The following SEPTIN10 variants were observed in gnomAD, a reference collection of about 807,000 sequenced individuals.
SEPTIN10 encodes the protein septin-10.
Under a neutral mutation model 54.8 loss-of-function variants are expected in SEPTIN10, and 66 were observed. The observed-to-expected ratio is 1.21, with a 90% CI of 0.99 to 1.48. The LOEUF is 1.48. SEPTIN10 is among the 40% of genes most tolerant of loss of function. The pLI, the probability that SEPTIN10 is intolerant of heterozygous loss-of-function variation, is 0.00. For missense variants in SEPTIN10, 620 were observed against 545.6 expected (o/e 1.14, Z -1.36); for synonymous variants, 161 against 181.0 (o/e 0.89, Z 0.89).
intron 9 of SEPTIN10, among the ~76,000 whole-genome samples, 196 bp from the exon 10 acceptor site, chr2:109,546,433 A>G (rs1414690379): frequency 6.6e-6 from 1 of 152,154 alleles, no homozygotes; most frequent in Non-Finnish European, 1.5e-5. Context: ...TTTAATTTAA[A>G]TGAGTTCCCA....
chr2:109,565,065 CTA>C (rs1253841866), intron 7 of SEPTIN10, among the ~76,000 whole-genome samples: 1 of 152,112 alleles, frequency 6.6e-6, no homozygotes, highest in African/African-American at 2.4e-5. Context: ...GATCCTTCTT[CTA>C]TGTTTACGGT....
intron 2 of SEPTIN10, among the ~76,000 whole-genome samples, chr2:109,587,962 G>A (rs1242996969): frequency 6.6e-6 from 1 of 151,486 alleles, no homozygotes; most frequent in Admixed American, 6.6e-5. Context: ...CGGGCGTGGT[G>A]GCACCTATAA....
chr2:109,604,429 G>GA (rs1553449755), intron 1 of SEPTIN10, among the ~76,000 whole-genome samples: 1 of 138,990 alleles, frequency 7.2e-6, no homozygotes, highest in African/African-American at 2.6e-5. Flanking sequence ...AAAAAAGAAA[G>GA]AAAGAAAAGA....
At chr2:109,603,265 C>T (rs749457338) in intron 1 of SEPTIN10, among the ~76,000 whole-genome samples, 1 of 151,324 alleles carries the variant, frequency 6.6e-6, no homozygotes, top group Non-Finnish European at 1.5e-5. Context: ...GAGACAGTCT[C>T]ACTGTGTCAC....
At chr2:109,562,622 C>A (rs545533281) in intron 8 of SEPTIN10, among the ~76,000 whole-genome samples, 3 of 152,258 alleles carry the variant, frequency 2.0e-5, no homozygotes, top group South Asian at 4.1e-4. Flanking sequence ...GATGACTCCA[C>A]CAGACACCTA....
intron 2 of SEPTIN10, among the ~76,000 whole-genome samples, chr2:109,592,819 A>T (rs933142493): frequency 3.9e-5 from 6 of 152,062 alleles, no homozygotes; most frequent in Non-Finnish European, 7.4e-5. Flanking sequence ...AGAAAAAAAA[A>T]TTTCCTTAAT....
chr2:109,577,000 G>C (rs1689835211), intron 4 of SEPTIN10, among the ~76,000 whole-genome samples: 1 of 151,992 alleles, frequency 6.6e-6, no homozygotes, highest in Non-Finnish European at 1.5e-5. Flanking sequence ...ATCACAAGCA[G>C]GGTAAATTAG....
chr2:109,572,554 C>A (rs1328256689), intron 5 of SEPTIN10, among the ~76,000 whole-genome samples: 1 of 151,122 alleles, frequency 6.6e-6, no homozygotes, highest in Non-Finnish European at 1.5e-5. Flanking sequence ...CCTAACCCCT[C>A]TTGACTGCCT....
At chr2:109,548,829 C>G (rs1200860210) in intron 9 of SEPTIN10, among the ~76,000 whole-genome samples, 1 of 139,190 alleles carries the variant, frequency 7.2e-6, no homozygotes, top group Non-Finnish European at 1.6e-5. Flanking sequence ...AAATATTTCA[C>G]TGAAAATCAG....
At position 109,553,283 on chromosome 2, in the gene SEPTIN10, G is replaced by GA. The variant is rs1392428323; in HGVS notation, c.1029-65_1029-64insT. ...ATATAGGTCGGGTATGGCGGCTCACGCCTGTAATCCCAACACTTTGGGAGG... is the reference window on the plus strand; with the variant it reads ...ATATAGGTCGGGTATGGCGGCTCACGACCTGTAATCCCAACACTTTGGGAGG... On this transcript the variant is annotated intron_variant, in intron 8 of 10. Transcript: ENST00000397712. The GA allele has an allele frequency of 7.7e-6, 12 of 1,561,112 alleles. No homozygotes were observed. In the African/African-American group the frequency reaches 1.6e-4, roughly 21 times the overall value.
At chr2:109,544,715 A>C in intron 10 of SEPTIN10, 1 of 843,296 alleles carries the variant, frequency 1.2e-6, no homozygotes, top group Non-Finnish European at 1.4e-6. Context: ...GAAAAGCAGT[A>C]ATAAATTTAT....
intron 4 of SEPTIN10, among the ~76,000 whole-genome samples, chr2:109,576,044 G>A (rs1689609095): frequency 6.6e-6 from 1 of 151,972 alleles, no homozygotes; most frequent in South Asian, 2.1e-4. Context: ...ATCACTTGAG[G>A]CCAGGAGTTC....
At chr2:109,582,149 C>G (rs528638122) in intron 4 of SEPTIN10, among the ~76,000 whole-genome samples, 1 of 151,468 alleles carries the variant, frequency 6.6e-6, no homozygotes, top group East Asian at 1.9e-4. Context: ...TATATCTAAC[C>G]AAGGAGGTGA....
At chr2:109,591,792 G>C (rs1694128497) in intron 2 of SEPTIN10, among the ~76,000 whole-genome samples, 1 of 152,064 alleles carries the variant, frequency 6.6e-6, no homozygotes, top group Non-Finnish European at 1.5e-5. Context: ...TAGCTATTTG[G>C]GGGGCTGAGG....
chr2:109,545,209 T>C, intron 10 of SEPTIN10: 3 of 985,284 alleles, frequency 3.0e-6, no homozygotes, highest in Non-Finnish European at 3.6e-6. Flanking sequence ...GTCCCCCAAA[T>C]GAGCATTCTG....
chr2:109,601,510 C>A (rs1406552031), intron 1 of SEPTIN10, among the ~76,000 whole-genome samples: 1 of 152,184 alleles, frequency 6.6e-6, no homozygotes, highest in East Asian at 1.9e-4. Flanking sequence ...TTTCAGCTTA[C>A]TGGCCATTTC....
At chr2:109,564,050 A>G (rs1301425839) in intron 8 of SEPTIN10, among the ~76,000 whole-genome samples, 5 of 152,226 alleles carry the variant, frequency 3.3e-5, no homozygotes, top group Non-Finnish European at 7.3e-5. Flanking sequence ...GATAAATACA[A>G]AAAGAAATCA....
chr2:109,545,516 A>G (rs1275441438), intron 10 of SEPTIN10: 7 of 1,535,870 alleles, frequency 4.6e-6, no homozygotes, highest in African/African-American at 4.1e-5. Flanking sequence ...ATCAATGCAC[A>G]GGAGTTCGAA....
chr2:109,551,457 G>A (rs771271436), intron 9 of SEPTIN10, among the ~76,000 whole-genome samples: 1 of 152,136 alleles, frequency 6.6e-6, no homozygotes, highest in Non-Finnish European at 1.5e-5. Flanking sequence ...ATCTGTGATT[G>A]CATCCTGGTT....
Sources: allele counts gnomAD v4.1 joint callset (sites outside exome capture counted in the v4.1 genomes callset), GRCh38; gene constraint gnomAD v4.1.1; transcripts MANE v1.5; gene names NCBI Gene and HGNC (gene_info 2026-07-23, HGNC 2026-07-21).